TMEM123: variants seen among roughly 807,000 people sequenced by gnomAD.
TMEM123 encodes the protein transmembrane protein 123, also known as porimin.
In TMEM123, 16 loss-of-function variants were observed where a neutral mutation model predicts 19.7. That is an observed-to-expected ratio of 0.81 (90% CI 0.55 to 1.23). TMEM123 has a LOEUF of 1.23. Ranked by LOEUF, TMEM123 falls within the 50% of genes most tolerant of loss-of-function variation. The pLI, the probability that TMEM123 is intolerant of heterozygous loss-of-function variation, is 0.00. For missense variants in TMEM123, 313 were observed against 257.8 expected, an observed-to-expected ratio of 1.21 and a Z score of -1.47; for synonymous variants, 118 against 99.4, an observed-to-expected ratio of 1.19 and a Z score of -1.12.
chr11:102,417,125 C>T (rs944274897), intron 2 of TMEM123, among the ~76,000 whole-genome samples: 1 of 152,022 alleles, frequency 6.6e-6, no homozygotes, highest in African/African-American at 2.4e-5. Context: ...CAAGACAGTA[C>T]TGGAAGTCCT....
intron 1 of TMEM123, chr11:102,449,157 T>A (rs531502877): frequency 3.2e-6 from 1 of 316,932 alleles, no homozygotes; most frequent in African/African-American, 2.1e-5. Context: ...CAAAATTCAT[T>A]TACCCACACA....
intron 2 of TMEM123, among the ~76,000 whole-genome samples, chr11:102,428,564 C>T (rs1952148590): frequency 6.6e-6 from 1 of 151,406 alleles, no homozygotes; most frequent in Non-Finnish European, 1.5e-5. Flanking sequence ...AGCTTGGCCT[C>T]GCAAAGTGCT....
At position 102,398,694 on chromosome 11, in the gene TMEM123, A is replaced by AACCCTTGTTACCTTG; in HGVS notation, c.*158_*172dup. 1.5e-6 allele frequency: 1 copy of AACCCTTGTTACCTTG among 663,930 alleles called. No individual in the cohort carries two copies. Among genetic ancestry groups the AACCCTTGTTACCTTG allele is most frequent in the South Asian group, 2.1e-5 (1 of 48,714 alleles). 41.1% of individuals were successfully genotyped at this position (663,930 alleles called of 1,614,324 possible). On this transcript the variant is annotated 3_prime_UTR_variant, in exon 5 of 5. Transcript: ENST00000398136. ...ATCCAGATGTTTATTTCAAAACCCA[A>AACCCTTGTTACCTTG]ACCCTTGTTACCTTGAAGAATCTTT...
At chr11:102,422,416 G>C (rs1952095091) in intron 2 of TMEM123, among the ~76,000 whole-genome samples, 1 of 152,148 alleles carries the variant, frequency 6.6e-6, no homozygotes, top group Non-Finnish European at 1.5e-5. Flanking sequence ...GGAGGTTGCA[G>C]TGAGCCGAGA....
chr11:102,439,963 A>G (rs547430359), intron 2 of TMEM123, among the ~76,000 whole-genome samples: 6 of 152,362 alleles, frequency 3.9e-5, no homozygotes, highest in African/African-American at 1.4e-4. Context: ...TTGAAGATCA[A>G]ATGAATGAAA....
Position 102,451,916 on chromosome 11 carries a change from C to T in TMEM123, c.100+608G>A, listed in dbSNP as rs984923457. ...GGCACACGAGGGGTGGAGAGCGCCC[C>T]GCCATGGGGGCGGCCGCCTCAACTA... is the stretch of plus-strand genomic sequence containing the variant. On this transcript the variant is annotated intron_variant, in intron 1 of 4. Transcript: ENST00000398136. Among the ~76,000 whole-genome samples, 15 of 152,358 alleles carry T rather than the reference C, an allele frequency of 9.8e-5. No homozygotes were observed. The East Asian group carries it at 2.7e-3, about 27-fold the overall frequency.
At chr11:102,452,457 G>T in intron 1 of TMEM123, 67 bp downstream of exon 1, 1 of 1,312,380 alleles carries the variant, frequency 7.6e-7, no homozygotes, top group Admixed American at 2.9e-5. Flanking sequence ...AGCCCAACTT[G>T]GGAACCCAAG....
At chr11:102,423,862 T>C (rs977646978) in intron 2 of TMEM123, among the ~76,000 whole-genome samples, 2 of 152,194 alleles carry the variant, frequency 1.3e-5, no homozygotes, top group African/African-American at 4.8e-5. Flanking sequence ...TTATACACTT[T>C]TGCATTACTT....
intron 2 of TMEM123, among the ~76,000 whole-genome samples, chr11:102,403,383 T>C (rs1951929306): frequency 6.6e-6 from 1 of 152,252 alleles, no homozygotes; most frequent in Admixed American, 6.5e-5. Flanking sequence ...GCATAAAATA[T>C]GGCCTATAAC....
intron 2 of TMEM123, among the ~76,000 whole-genome samples, chr11:102,412,826 G>C (rs550183885): frequency 5.9e-5 from 9 of 152,218 alleles, no homozygotes; most frequent in Non-Finnish European, 1.3e-4. Flanking sequence ...CAAAAGAACA[G>C]ACCCCAAGAA....
intron 2 of TMEM123, among the ~76,000 whole-genome samples, chr11:102,406,033 T>C (rs945076097): frequency 7.2e-5 from 11 of 152,212 alleles, no homozygotes; most frequent in African/African-American, 2.4e-4. Flanking sequence ...ATCCCAACTC[T>C]GGTCTTCTTC....
At chr11:102,426,931 GTA>G (rs1424130440) in intron 2 of TMEM123, among the ~76,000 whole-genome samples, 1 of 127,736 alleles carries the variant, frequency 7.8e-6, no homozygotes, top group Non-Finnish European at 1.5e-5. Context: ...TTGTGTCTGG[GTA>G]TATATATCAG....
chr11:102,440,527 C>T (rs1019985444), intron 2 of TMEM123, among the ~76,000 whole-genome samples: 4 of 152,150 alleles, frequency 2.6e-5, no homozygotes, highest in African/African-American at 9.7e-5. Context: ...ACCAGGCCTG[C>T]CTTATAAGAG....
intron 2 of TMEM123, among the ~76,000 whole-genome samples, chr11:102,436,210 T>C (rs1272169053): frequency 1.3e-5 from 2 of 152,038 alleles, no homozygotes; most frequent in East Asian, 3.8e-4. Context: ...TTGCCCAGGC[T>C]GCAGTGCAGT....
At chr11:102,412,555 A>C (rs1230878655) in intron 2 of TMEM123, among the ~76,000 whole-genome samples, 1 of 152,232 alleles carries the variant, frequency 6.6e-6, no homozygotes, top group African/African-American at 2.4e-5. Flanking sequence ...TGAAAGTAAG[A>C]GTAAAGAAAA....
At chr11:102,419,691 A>G (rs1952070434) in intron 2 of TMEM123, among the ~76,000 whole-genome samples, 1 of 152,256 alleles carries the variant, frequency 6.6e-6, no homozygotes, top group Admixed American at 6.5e-5. Context: ...TGGCTGAATA[A>G]GGAACAGATT....
At position 102,436,308 on chromosome 11, in the gene TMEM123, G is replaced by A. The variant is rs146784874; in HGVS notation, c.157+12504C>T. On this transcript the variant is annotated intron_variant, in intron 2 of 4. Coordinates refer to ENST00000398136, the MANE Select transcript of TMEM123 (RefSeq NM_052932.3). ...CTTCAGAGTAGCTGGGACTACAGGC[G>A]TGCATCACCACGCCTGGCTAATTTT... is the stretch of plus-strand genomic sequence containing the variant. Among the ~76,000 whole-genome samples, 35 of 151,862 alleles carry A rather than the reference G, an allele frequency of 2.3e-4. No homozygotes were observed. In the East Asian group the frequency reaches 3.5e-3, roughly 15 times the overall value.
At chr11:102,398,930 T>C (rs774765534) in intron 4 of TMEM123, 39 bp from the exon 5 acceptor site, 46 of 1,575,498 alleles carry the variant, frequency 2.9e-5, no homozygotes, top group Non-Finnish European at 3.7e-5. Context: ...TTGTTTTGTT[T>C]TTTCTGTCAA....
chr11:102,426,630 T>C (rs1213122578), intron 2 of TMEM123, among the ~76,000 whole-genome samples: 4 of 152,126 alleles, frequency 2.6e-5, no homozygotes, highest in African/African-American at 9.7e-5. Context: ...CTAAGAGCAA[T>C]TTCTTTACAA....
Sources: gnomAD v4.1 joint callset for allele counts (sites outside exome capture counted in the v4.1 genomes callset) on GRCh38, gnomAD v4.1.1 for gene constraint, MANE v1.5 for transcripts, NCBI Gene and HGNC (gene_info 2026-07-23, HGNC 2026-07-21) for gene names.